Variants in SLC30A7 observed in about 807,000 individuals in gnomAD.
The protein encoded by SLC30A7 is solute carrier family 30 member 7.
In SLC30A7, 35 loss-of-function variants were observed where a neutral mutation model predicts 46.0. That is an observed-to-expected ratio of 0.76 (90% CI 0.58 to 1.01). SLC30A7 has a LOEUF of 1.01. SLC30A7 is among the 50% of genes least tolerant of loss of function. The pLI is 0.00. For missense variants in SLC30A7, 464 were observed against 451.1 expected, an observed-to-expected ratio of 1.03 and a Z score of -0.26; for synonymous variants, 147 against 157.8, an observed-to-expected ratio of 0.93 and a Z score of 0.51.
chr1:100,970,214 ATCTT>A (rs1276335771), intron 10 of SLC30A7, among the ~76,000 whole-genome samples: 1 of 152,086 alleles, frequency 6.6e-6, no homozygotes, highest in Non-Finnish European at 1.5e-5. Flanking sequence ...ATTTTTAGGT[ATCTT>A]TCTTATAGCC....
intron 8 of SLC30A7, among the ~76,000 whole-genome samples, chr1:100,930,548 A>G (rs1270959562): frequency 1.1e-4 from 16 of 152,004 alleles, no homozygotes; most frequent in Admixed American, 9.8e-4. Flanking sequence ...GTTGAATAGA[A>G]TAAATTTGTG....
At chr1:100,985,456 A>G (rs759097632), downstream of SLC30A7, among the ~76,000 whole-genome samples, 1 of 152,232 alleles carries the variant, frequency 6.6e-6, no homozygotes, top group Non-Finnish European at 1.5e-5. Flanking sequence ...AAGGAACTAG[A>G]ATAGCTAAAA....
intron 8 of SLC30A7, among the ~76,000 whole-genome samples, chr1:100,922,095 AGAC>A (rs901587445): frequency 1.3e-4 from 19 of 151,874 alleles, no homozygotes; most frequent in African/African-American, 4.6e-4. Flanking sequence ...CTGGGATTAC[AGAC>A]AACTGCAACC....
Position 100,961,905 on chromosome 1 carries a change from A to G in SLC30A7, c.920A>G (p.Gln307Arg), listed in dbSNP as rs1655574038. 3 of 1,598,518 alleles carry G rather than the reference A, an allele frequency of 1.9e-6. No individual in the cohort carries two copies. In the East Asian group the frequency reaches 6.8e-5, roughly 36 times the overall value. The change falls in exon 9 of 11, where the codon CAG becomes CGG. Residue 307 changes from glutamine (Q) to arginine (R), a missense_variant. Coordinates refer to ENST00000357650, the MANE Select transcript of SLC30A7 (RefSeq NM_133496.5). ...CCCCTATTAGAAAATAGTCTGCCTC[A>G]GTGCTATCAGAGGGTGAGTTTCAAA... Reference protein sequence around the residue: ...TPPLLENSLPQCYQRVQQLQG... With the variant: ...TPPLLENSLPRCYQRVQQLQG...
intron 8 of SLC30A7, among the ~76,000 whole-genome samples, chr1:100,927,339 C>A (rs952844319): frequency 6.6e-6 from 1 of 152,104 alleles, no homozygotes; most frequent in African/African-American, 2.4e-5. Flanking sequence ...AAGAAAGATA[C>A]AACCATATGT....
At position 100,977,672 on chromosome 1, in the gene SLC30A7, GC is replaced by G. The variant is rs1338049103; in HGVS notation, c.*2816del. On this transcript the variant is annotated 3_prime_UTR_variant, in exon 11 of 11. Transcript: ENST00000357650. ...ATTCTCTGGACAACAAATTTGTATTGCTCAGGGACAGTTTACCTTGCCTGGT... is the reference window on the plus strand; with the variant it reads ...ATTCTCTGGACAACAAATTTGTATTGTCAGGGACAGTTTACCTTGCCTGGT... 6.6e-6 allele frequency: 1 copy of G among 152,114 alleles called. No homozygotes were observed. Among genetic ancestry groups the G allele is most frequent in the African/African-American group, 2.4e-5 (1 of 41,424 alleles). 9.4% of individuals were successfully genotyped at this position (152,114 alleles called of 1,614,324 possible).
intron 8 of SLC30A7, among the ~76,000 whole-genome samples, chr1:100,940,556 A>T (rs1463963484): frequency 6.6e-6 from 1 of 152,220 alleles, no homozygotes; most frequent in Non-Finnish European, 1.5e-5. Flanking sequence ...TTCTAAAAAT[A>T]AAAATGTAAT....
chr1:100,900,360 A>G (rs1277239650), intron 2 of SLC30A7, among the ~76,000 whole-genome samples: 1 of 152,234 alleles, frequency 6.6e-6, no homozygotes. Context: ...TTAAGACAAT[A>G]CCAGACATTT....
intron 8 of SLC30A7, among the ~76,000 whole-genome samples, chr1:100,956,952 G>C (rs1449652378): frequency 6.6e-6 from 1 of 152,122 alleles, no homozygotes; most frequent in African/African-American, 2.4e-5. Flanking sequence ...GATTTCCATT[G>C]CCTTCTCTGC....
the SLC30A7 span, chr1:100,992,698 G>T: frequency 1.2e-6 from 2 of 1,613,726 alleles, no homozygotes; most frequent in African/African-American, 2.7e-5. Flanking sequence ...GGGCTGCTTG[G>T]TTTACACTCA....
intron 8 of SLC30A7, among the ~76,000 whole-genome samples, chr1:100,938,116 C>T (rs889089256): frequency 6.6e-6 from 1 of 152,138 alleles, no homozygotes; most frequent in Non-Finnish European, 1.5e-5. Context: ...TATGTCAGTG[C>T]CACACTGTTT....
At chr1:100,939,721 C>T (rs1654230951) in intron 8 of SLC30A7, among the ~76,000 whole-genome samples, 2 of 150,276 alleles carry the variant, frequency 1.3e-5, no homozygotes, top group South Asian at 2.1e-4. Flanking sequence ...TGGTGGTGGG[C>T]ACCTGTAGTC....
At chr1:100,988,518 A>T in the SLC30A7 span, among the ~76,000 whole-genome samples, 1 of 152,224 alleles carries the variant, frequency 6.6e-6, no homozygotes, top group Non-Finnish European at 1.5e-5. Context: ...TGGTATTTAA[A>T]TGTACTTGGC....
At chr1:100,902,950 T>A (rs1651403298) in intron 2 of SLC30A7, among the ~76,000 whole-genome samples, 1 of 152,162 alleles carries the variant, frequency 6.6e-6, no homozygotes, top group South Asian at 2.1e-4. Context: ...GTGAAATAGA[T>A]AGTAAAATAT....
chr1:100,936,605 T>G (rs1653978488), intron 8 of SLC30A7, among the ~76,000 whole-genome samples: 2 of 152,198 alleles, frequency 1.3e-5, no homozygotes, highest in South Asian at 4.1e-4. Context: ...AATATAAAAT[T>G]TACCATCTTA....
intron 6 of SLC30A7, among the ~76,000 whole-genome samples, chr1:100,916,704 C>CTTTT (rs33980397): frequency 2.9e-3 from 271 of 92,354 alleles, no homozygotes; most frequent in East Asian, 4.4e-3. Context: ...TTCATTCATT[C>CTTTT]TTTTTTTTTT....
At chr1:100,911,538 T>A (rs1652093474) in intron 4 of SLC30A7, among the ~76,000 whole-genome samples, 1 of 151,936 alleles carries the variant, frequency 6.6e-6, no homozygotes, top group African/African-American at 2.4e-5. Context: ...AAATGCAGTA[T>A]TTTTTTTAAT....
rs1379966587 is a variant in SLC30A7, at chr1:100,896,639, T to A, written c.150T>A (p.Phe50Leu). The change falls in exon 2 of 11, where the codon TTT becomes TTA. Residue 50 changes from phenylalanine (F) to leucine (L), a missense_variant. Physicochemically the swap from Phe to Leu is conservative, Grantham distance 22. Transcript: ENST00000357650. The part of the protein sequence containing the change: ...FFLCLNLSFA[F>L]VELLYGIWSN... ...TGTGCCTGAACCTCTCTTTCGCTTTTGTGGAACTACTCTACGGCATCTGGA... is the reference window on the plus strand; with the variant it reads ...TGTGCCTGAACCTCTCTTTCGCTTTAGTGGAACTACTCTACGGCATCTGGA... The A allele has an allele frequency of 6.2e-7, 1 of 1,614,198 alleles. No homozygotes were observed. Among genetic ancestry groups the A allele is most frequent in the Admixed American group, 1.7e-5 (1 of 60,026 alleles).
chr1:100,985,076 G>T (rs569362644), downstream of SLC30A7, among the ~76,000 whole-genome samples: 1 of 152,252 alleles, frequency 6.6e-6, no homozygotes, highest in East Asian at 1.9e-4. Context: ...AGAAGACAGA[G>T]AAAAGAGTCA....
Sources: allele counts gnomAD v4.1 joint callset (sites outside exome capture counted in the v4.1 genomes callset), GRCh38; gene constraint gnomAD v4.1.1; transcripts MANE v1.5; gene names NCBI Gene and HGNC (gene_info 2026-07-23, HGNC 2026-07-21).